CLUL1: variants seen among roughly 807,000 people sequenced by gnomAD.
The protein encoded by CLUL1 is clusterin-like protein 1.
In CLUL1, 43 loss-of-function variants were observed where a neutral mutation model predicts 49.4. That is an observed-to-expected ratio of 0.87 (90% confidence interval 0.68 to 1.12). CLUL1 has a LOEUF of 1.12. Ranked by LOEUF, CLUL1 falls within the 50% of genes most tolerant of loss-of-function variation. CLUL1 has a pLI of 0.00. For synonymous variants in CLUL1, 192 were observed against 184.9 expected (o/e 1.04, Z -0.31); for missense variants, 486 against 544.4 (o/e 0.89, Z 1.07).
intron 2 of CLUL1, among the ~76,000 whole-genome samples, chr18:615,750 A>G (rs535572278): frequency 1.3e-5 from 2 of 152,306 alleles, no homozygotes; most frequent in East Asian, 1.9e-4. Context: ...GAGTTTTGCT[A>G]TGAGCTGATC....
At chr18:629,907 A>G (rs543067701) in intron 6 of CLUL1, among the ~76,000 whole-genome samples, 49 of 152,184 alleles carry the variant, frequency 3.2e-4, no homozygotes, top group African/African-American at 1.2e-3. Flanking sequence ...CTGGACAGGT[A>G]GTTGGTGAGG....
intron 2 of CLUL1, among the ~76,000 whole-genome samples, chr18:611,773 G>A (rs1444231927): frequency 6.6e-6 from 1 of 152,096 alleles, no homozygotes; most frequent in African/African-American, 2.4e-5. Flanking sequence ...GAAAGTCACC[G>A]GTGGATTTGG....
intron 1 of CLUL1, chr18:598,079 A>T (rs1237597134): frequency 6.6e-6 from 1 of 152,634 alleles, no homozygotes; most frequent in African/African-American, 2.4e-5. Context: ...TACCTGCCTG[A>T]TGCAAGAACA....
chr18:623,104 C>T (rs2073551147), intron 4 of CLUL1, among the ~76,000 whole-genome samples: 1 of 150,146 alleles, frequency 6.7e-6, no homozygotes, highest in African/African-American at 2.5e-5. Context: ...ACGATCTTGG[C>T]TCACTGCAAC....
chr18:635,624 A>G (rs2074113404), intron 7 of CLUL1, among the ~76,000 whole-genome samples: 1 of 152,178 alleles, frequency 6.6e-6, no homozygotes, highest in South Asian at 2.1e-4. Context: ...CCACTGGAGT[A>G]ATTTATATCA....
intron 4 of CLUL1, among the ~76,000 whole-genome samples, chr18:620,166 G>T (rs1009514167): frequency 6.6e-6 from 1 of 152,106 alleles, no homozygotes; most frequent in African/African-American, 2.4e-5. Context: ...CATCATTAGC[G>T]AGTGTGGATA....
At chr18:624,450 T>C (rs909843758) in intron 4 of CLUL1, among the ~76,000 whole-genome samples, 1 of 152,172 alleles carries the variant, frequency 6.6e-6, no homozygotes, top group African/African-American at 2.4e-5. Context: ...AATTAAAATG[T>C]ACCAGCTTTA....
chr18:600,599 C>T (rs900775285), intron 1 of CLUL1, among the ~76,000 whole-genome samples: 3 of 152,154 alleles, frequency 2.0e-5, no homozygotes, highest in Admixed American at 2.0e-4. Flanking sequence ...GAAAGAGAGG[C>T]TTATTATTTC....
chr18:625,173 T>C, intron 5 of CLUL1, 141 bp downstream of exon 5: 2 of 791,058 alleles, frequency 2.5e-6, no homozygotes, highest in South Asian at 2.0e-5. Flanking sequence ...CTAATACTAA[T>C]GTTTACATAC....
intron 4 of CLUL1, 126 bp from the exon 5 acceptor site, chr18:624,739 C>T (rs544017570): frequency 1.0e-4 from 85 of 817,830 alleles, no homozygotes; most frequent in Middle Eastern, 6.4e-4. Context: ...CTGACAGCTG[C>T]GAGGCACCTG....
chr18:625,085 G>A, intron 5 of CLUL1, 53 bp downstream of exon 5: 1 of 1,551,238 alleles, frequency 6.4e-7, no homozygotes, highest in South Asian at 1.2e-5. Flanking sequence ...ACCTATTTCA[G>A]CTTACTTTTT....
In CLUL1 at chr18:627,269, T is replaced by C. The variant is rs1250898810; in HGVS notation, c.596T>C (p.Phe199Ser). The C allele has an allele frequency of 6.2e-7, 1 of 1,614,078 alleles. No homozygotes were observed. Among genetic ancestry groups the C allele is most frequent in the Non-Finnish European group, 8.5e-7 (1 of 1,180,006 alleles). The change falls in exon 6 of 10, where the codon TTT becomes TCT. Residue 199 changes from phenylalanine to serine, a missense_variant. Coordinates refer to ENST00000692774, the MANE Select transcript of CLUL1 (RefSeq NM_001393344.1). ...GTGAATTCTCTCTTTAACAGGAGTT[T>C]TAACGTCTTCAGACAGATGCAGCAA... ...VDVNSLFNRS[F>S]NVFRQMQQEF...
intron 6 of CLUL1, 56 bp from the exon 7 acceptor site, chr18:633,242 T>C (rs184538779): frequency 2.0e-6 from 3 of 1,493,868 alleles, no homozygotes; most frequent in Admixed American, 4.2e-5. Context: ...TTGTCTCCAC[T>C]TCTTCAAAGT....
intron 4 of CLUL1, among the ~76,000 whole-genome samples, chr18:622,543 T>C (rs933485057): frequency 2.6e-5 from 4 of 152,220 alleles, no homozygotes; most frequent in African/African-American, 9.6e-5. Context: ...GTACAATGTC[T>C]AGCAGGAAAC....
chr18:608,888 T>C (rs2073055584), intron 2 of CLUL1, among the ~76,000 whole-genome samples: 1 of 152,224 alleles, frequency 6.6e-6, no homozygotes, highest in South Asian at 2.1e-4. Context: ...TACTTGACCA[T>C]TATAATACCA....
intron 9 of CLUL1, among the ~76,000 whole-genome samples, chr18:648,641 C>A (rs1165153878): frequency 2.0e-5 from 3 of 151,956 alleles, no homozygotes; most frequent in African/African-American, 7.3e-5. Flanking sequence ...TCTGCAGTAC[C>A]ACTTTCTCAA....
intron 9 of CLUL1, among the ~76,000 whole-genome samples, chr18:649,311 A>G (rs9966612): frequency 0.71 from 107,381 of 152,036 alleles, 38,001 homozygotes; most frequent in African/African-American, 0.73. Flanking sequence ...CAATTTTATA[A>G]GGTGAAATAT....
In CLUL1 at chr18:624,901, C is replaced by G; in HGVS notation, c.292C>G (p.Leu98Val). The G allele has an allele frequency of 6.2e-7, 1 of 1,614,092 alleles. No homozygotes were observed. The stretch of plus-strand genomic sequence containing the variant: ...ACTTCTGAATGAAGTTCAAGAACAT[C>G]TGGAGGAAGAAGAAAGGCTATGCCG... ...LKLLNEVQEH[L>V]EEEERLCRES... Residue 98 changes from leucine to valine, a missense_variant, in exon 5 of 10, where the codon CTG becomes GTG. By Grantham distance (32) the Leu-to-Val change is conservative (BLOSUM62 1). Transcript: ENST00000692774.
chr18:621,191 T>C (rs2073479206), intron 4 of CLUL1, among the ~76,000 whole-genome samples: 1 of 152,188 alleles, frequency 6.6e-6, no homozygotes, highest in Admixed American at 6.5e-5. Context: ...GTCAGATTTT[T>C]AATTTAAAAA....
Sources: gnomAD v4.1 joint callset for allele counts (sites outside exome capture counted in the v4.1 genomes callset) on GRCh38, gnomAD v4.1.1 for gene constraint, MANE v1.5 for transcripts, NCBI Gene and HGNC (gene_info 2026-07-23, HGNC 2026-07-21) for gene names.